The following DPP10 variants were observed in gnomAD, a reference collection of about 807,000 sequenced individuals.
DPP10 encodes the protein dipeptidyl peptidase like 10, also known as inactive dipeptidyl peptidase 10.
DPP10 carries 33 observed loss-of-function variants against 120.9 expected under a neutral mutation model. The ratio of observed to expected loss-of-function variants is 0.27; its 90% CI spans 0.21 to 0.37. DPP10 has a LOEUF of 0.37. Among genes scored for constraint, DPP10 ranks in the 10% least tolerant of loss-of-function variants. The pLI is 1.00. For missense variants in DPP10, 816 were observed against 942.8 expected, an observed-to-expected ratio of 0.87 and a Z score of 1.76; for synonymous variants, 337 against 326.1, an observed-to-expected ratio of 1.03 and a Z score of -0.36.
chr2:114,739,724 C>G (rs1677836011), intron 1 of DPP10, among the ~76,000 whole-genome samples: 1 of 152,140 alleles, frequency 6.6e-6, no homozygotes, highest in South Asian at 2.1e-4. Flanking sequence ...TTACATTCTT[C>G]TGGTGGCAAC....
chr2:115,518,435 T>C (rs944104396), intron 4 of DPP10, among the ~76,000 whole-genome samples: 2 of 152,170 alleles, frequency 1.3e-5, no homozygotes, highest in Admixed American at 1.3e-4. Context: ...CAAGAAGATT[T>C]AGTCTTTGAA....
intron 19 of DPP10, among the ~76,000 whole-genome samples, chr2:115,792,245 A>G (rs1684069100): frequency 6.6e-6 from 1 of 152,138 alleles, no homozygotes; most frequent in African/African-American, 2.4e-5. Context: ...CAATCATTAC[A>G]ATACAACCTG....
chr2:115,280,470 C>T (rs1281283811), intron 1 of DPP10, among the ~76,000 whole-genome samples: 1 of 152,142 alleles, frequency 6.6e-6, no homozygotes, highest in Non-Finnish European at 1.5e-5. Context: ...AATATCAGTC[C>T]TATAGCTCAG....
chr2:114,696,998 A>T (rs950872515), intron 1 of DPP10, among the ~76,000 whole-genome samples: 1 of 152,092 alleles, frequency 6.6e-6, no homozygotes, highest in African/African-American at 2.4e-5. Context: ...ATGAATCCAG[A>T]TGTCTGTCAT....
intron 1 of DPP10, among the ~76,000 whole-genome samples, chr2:114,868,179 A>T (rs903449633): frequency 5.3e-5 from 8 of 152,194 alleles, no homozygotes; most frequent in African/African-American, 1.9e-4. Context: ...AACCTGATGC[A>T]TTTATGTAAA....
chr2:115,396,888 A>G (rs373242981), intron 3 of DPP10, among the ~76,000 whole-genome samples: 41 of 152,162 alleles, frequency 2.7e-4, no homozygotes, highest in African/African-American at 9.6e-4. Flanking sequence ...TGAACTTGCA[A>G]TGTGAAAAAT....
chr2:114,474,782 T>C (rs574368543), intron 1 of DPP10, among the ~76,000 whole-genome samples: 1 of 152,332 alleles, frequency 6.6e-6, no homozygotes, highest in African/African-American at 2.4e-5. Context: ...CCTCCACTTA[T>C]AAGGCATTGG....
chr2:114,656,002 T>C lies in DPP10; in HGVS notation c.60+213164T>C, dbSNP rs1338645073. On this transcript the variant is annotated intron_variant, in intron 1 of 25. Coordinates refer to ENST00000410059, the MANE Select transcript of DPP10 (RefSeq NM_020868.6). ...TATCGAATTAGGTGTTGTAAGTTTA[T>C]GTGGGCTTTCCTAAGGTGAATTGAC... Among the ~76,000 whole-genome samples, 3 of 152,182 alleles carry C rather than the reference T, an allele frequency of 2.0e-5. No homozygotes were observed. In the East Asian group the frequency reaches 5.8e-4, roughly 29 times the overall value.
intron 1 of DPP10, among the ~76,000 whole-genome samples, chr2:114,528,305 C>T: frequency 6.6e-6 from 1 of 152,144 alleles, no homozygotes; most frequent in East Asian, 1.9e-4. Flanking sequence ...TGTTAATGTC[C>T]CACAGTCAGC....
chr2:115,116,887 C>A (rs531956834), intron 1 of DPP10, among the ~76,000 whole-genome samples: 1 of 152,160 alleles, frequency 6.6e-6, no homozygotes, highest in African/African-American at 2.4e-5. Context: ...GAGCTCAAAA[C>A]CTTCATCTTC....
rs74510598 is a variant in DPP10 at position 115,000,304 on chromosome 2, A to T, written c.61-308935A>T. ...TTTTTGAACACCTAGGATTGCCATA[A>T]AAAGAAACAAACACGCATAAAAAAT... On this transcript the variant is annotated intron_variant, in intron 1 of 25. Coordinates refer to ENST00000410059, the MANE Select transcript of DPP10 (RefSeq NM_020868.6). Among the ~76,000 whole-genome samples, 1,348 of 152,262 alleles carry T rather than the reference A, an allele frequency of 8.9e-3. 26 individuals carry two copies. Among genetic ancestry groups the T allele is most frequent in the African/African-American group, 0.031 (1,288 of 41,546 alleles).
intron 5 of DPP10, among the ~76,000 whole-genome samples, chr2:115,605,051 G>T (rs1304137321): frequency 6.6e-6 from 1 of 152,148 alleles, no homozygotes; most frequent in East Asian, 1.9e-4. Context: ...TACGAAGATA[G>T]GTAGATGATA....
At chr2:115,685,512 G>A (rs2090941192) in intron 5 of DPP10, among the ~76,000 whole-genome samples, 2 of 151,814 alleles carry the variant, frequency 1.3e-5, no homozygotes, top group Admixed American at 6.6e-5. Context: ...ATTTATTTTG[G>A]TCTTTGTATT....
chr2:115,101,616 A>G (rs2104622225), intron 1 of DPP10, among the ~76,000 whole-genome samples: 1 of 152,308 alleles, frequency 6.6e-6, no homozygotes, highest in Non-Finnish European at 1.5e-5. Flanking sequence ...GTCACACACT[A>G]ATGGGTAGAA....
At chr2:114,856,466 A>G (rs1689375797) in intron 1 of DPP10, among the ~76,000 whole-genome samples, 1 of 152,206 alleles carries the variant, frequency 6.6e-6, no homozygotes, top group Admixed American at 6.5e-5. Flanking sequence ...CAAGCATGAG[A>G]ATTTTGAGGA....
At chr2:115,357,034 T>C (rs1056965864) in intron 3 of DPP10, among the ~76,000 whole-genome samples, 1 of 152,218 alleles carries the variant, frequency 6.6e-6, no homozygotes, top group Non-Finnish European at 1.5e-5. Flanking sequence ...CTCCCATCTT[T>C]TGTATTATCC....
chr2:114,552,486 T>A (rs1687960839), intron 1 of DPP10, among the ~76,000 whole-genome samples: 1 of 152,212 alleles, frequency 6.6e-6, no homozygotes, highest in Non-Finnish European at 1.5e-5. Flanking sequence ...ATAAACGTAA[T>A]GCCTACAGCT....
intron 1 of DPP10, among the ~76,000 whole-genome samples, chr2:114,640,882 C>T (rs1008846070): frequency 2.6e-5 from 4 of 152,024 alleles, no homozygotes; most frequent in South Asian, 4.1e-4. Flanking sequence ...AGGTTTCCCT[C>T]GGTCCCAGTA....
rs376466742 is a variant in DPP10, at chr2:115,836,787, C to A, written c.2182+41C>A. 63 of 1,577,616 alleles carry A rather than the reference C, an allele frequency of 4.0e-5. 1 individual carries two copies. The highest frequency in any genetic ancestry group is 2.9e-4 in the South Asian group (25 of 85,812). On this transcript the variant is annotated intron_variant, in intron 24 of 25. Coordinates refer to ENST00000410059, the MANE Select transcript of DPP10 (RefSeq NM_020868.6). ...GCCGCTGCTGTTTGATAGGGTATGA[C>A]CTTTTACAAAGGGATACATCTAAGG...
Sources: gnomAD v4.1 joint callset for allele counts (sites outside exome capture counted in the v4.1 genomes callset) on GRCh38, gnomAD v4.1.1 for gene constraint, MANE v1.5 for transcripts, NCBI Gene and HGNC (gene_info 2026-07-23, HGNC 2026-07-21) for gene names.